The following FHAD1 variants were observed in gnomAD, a reference collection of about 807,000 sequenced individuals.
FHAD1 encodes forkhead associated phosphopeptide binding domain 1, also known as forkhead-associated domain-containing protein 1.
FHAD1 carries 146 observed loss-of-function variants against 191.3 expected under a neutral mutation model. The observed-to-expected ratio is 0.76, with a 90% CI of 0.67 to 0.88. The LOEUF is 0.88. Among genes scored for constraint, FHAD1 ranks in the 40% least tolerant of loss-of-function variants. The probability of loss-of-function intolerance (pLI) is 0.00; values close to 1 mark genes in which losing one functional copy is unlikely to be tolerated. For missense variants in FHAD1, 1,635 were observed against 1,785.8 expected, an observed-to-expected ratio of 0.92 and a Z score of 1.52; for synonymous variants, 616 against 672.3, an observed-to-expected ratio of 0.92 and a Z score of 1.29.
chr1:15,386,605 G>A (rs1047311216), intron 31 of FHAD1, among the ~76,000 whole-genome samples: 4 of 152,186 alleles, frequency 2.6e-5, no homozygotes, highest in African/African-American at 7.2e-5. Flanking sequence ...CTCCCCTTCC[G>A]GGCTCCAGCC....
rs958653279 is a variant in FHAD1, at chr1:15,345,460, A to G, written c.2283A>G (p.Glu761=). The stretch of plus-strand genomic sequence containing the variant: ...CCCAGGAGAAGAACAGAGTGAAGGA[A>G]GCATTAGAGGAAGAGCAGACAAGAG... The part of the protein sequence containing the change: ...SITQEKNRVK[E]ALEEEQTRVQ... The change falls in exon 18 of 34, where the codon GAA becomes GAG. Residue 761 remains glutamate (E), a synonymous_variant. Coordinates refer to ENST00000688493, the MANE Select transcript of FHAD1 (RefSeq NM_001391957.1). 3 of 1,552,228 alleles carry G rather than the reference A, an allele frequency of 1.9e-6. No homozygotes were observed. The African/African-American group carries it at 4.1e-5, about 21-fold the overall frequency.
At chr1:15,247,823 C>G (rs947709501) in intron 1 of FHAD1, among the ~76,000 whole-genome samples, 2 of 152,200 alleles carry the variant, frequency 1.3e-5, no homozygotes, top group African/African-American at 4.8e-5. Context: ...GGTAACCCCT[C>G]AACAGAAATT....
intron 33 of FHAD1, among the ~76,000 whole-genome samples, chr1:15,396,564 C>A (rs1401471420): frequency 2.0e-5 from 3 of 151,884 alleles, no homozygotes; most frequent in Non-Finnish European, 2.9e-5. Flanking sequence ...ATCCTAGCAC[C>A]GTGGGAGGCC....
chr1:15,296,707 T>A lies in FHAD1; in HGVS notation c.592T>A (p.Ser198Thr), dbSNP rs1380398368. The change falls in exon 5 of 34, where the codon TCA (serine) becomes ACA (threonine). Residue 198 changes from serine to threonine, a missense_variant. Physicochemically the swap from Ser to Thr is moderately conservative, Grantham distance 58. Coordinates refer to ENST00000688493, the MANE Select transcript of FHAD1 (RefSeq NM_001391957.1). The part of the protein sequence containing the change: ...KQVWTNAMKL[S>T]EKSVAEGIPG... ...AGTGTGGACCAATGCCATGAAACTG[T>A]CAGAAAAATCAGTGGCCGAGGGGAT... 3 of 1,552,054 alleles carry A rather than the reference T, an allele frequency of 1.9e-6. No individual in the cohort carries two copies. The highest frequency in any genetic ancestry group is 2.0e-5 in the Admixed American group (1 of 50,990).
intron 26 of FHAD1, among the ~76,000 whole-genome samples, chr1:15,370,547 G>A (rs986916114): frequency 6.6e-6 from 1 of 152,152 alleles, no homozygotes; most frequent in Admixed American, 6.5e-5. Context: ...GCTTGATGGG[G>A]CCAAACTGCC....
upstream of FHAD1, among the ~76,000 whole-genome samples, chr1:15,243,965 A>G (rs186158335): frequency 1.6e-3 from 238 of 152,208 alleles, 2 homozygotes; most frequent in Middle Eastern, 0.01. Flanking sequence ...CTTATTTCCT[A>G]CAATATGGGC....
intron 14 of FHAD1, chr1:15,334,702 G>C (rs1683270511): frequency 6.6e-6 from 1 of 152,248 alleles, no homozygotes; most frequent in African/African-American, 2.4e-5. Context: ...CTCAAATACT[G>C]GTTGACTTCA....
chr1:15,299,201 A>G (rs1667904376), intron 5 of FHAD1, among the ~76,000 whole-genome samples: 1 of 141,784 alleles, frequency 7.1e-6, no homozygotes, highest in South Asian at 2.2e-4. Context: ...CCCTGTCTCA[A>G]AAAAAAAAAA....
At chr1:15,376,076 TA>T (rs1170128843) in intron 28 of FHAD1, among the ~76,000 whole-genome samples, 1,798 of 138,634 alleles carry the variant, frequency 0.013, 31 homozygotes, top group African/African-American at 0.047. Flanking sequence ...TTTATTTATT[TA>T]TTTTTTTATT....
At chr1:15,324,324 G>A in intron 10 of FHAD1, 128 bp from the exon 11 acceptor site, 4 of 741,398 alleles carry the variant, frequency 5.4e-6, no homozygotes, top group South Asian at 5.0e-5. Context: ...TGTGACCCCT[G>A]CCACATGGGC....
downstream of FHAD1, among the ~76,000 whole-genome samples, chr1:15,398,445 T>C (rs1006102072): frequency 6.6e-6 from 1 of 152,250 alleles, no homozygotes; most frequent in African/African-American, 2.4e-5. Context: ...GATTCCCCAT[T>C]TGACAGATGA....
intron 16 of FHAD1, among the ~76,000 whole-genome samples, chr1:15,344,772 C>A (rs1688189375): frequency 6.6e-6 from 1 of 152,218 alleles, no homozygotes; most frequent in Non-Finnish European, 1.5e-5. Flanking sequence ...ATTTCGTGTT[C>A]ATCGTCGCAT....
intron 2 of FHAD1, among the ~76,000 whole-genome samples, chr1:15,260,306 G>A (rs1164734201): frequency 6.6e-6 from 1 of 152,200 alleles, no homozygotes; most frequent in Non-Finnish European, 1.5e-5. Context: ...TGTGTTACGA[G>A]ACTGAATTAC....
intron 31 of FHAD1, 95 bp from the exon 32 acceptor site, chr1:15,387,956 G>A (rs560323937): frequency 6.1e-5 from 32 of 528,586 alleles, no homozygotes; most frequent in East Asian, 1.4e-4. Context: ...GAGTCCCAGC[G>A]TCTCCTAGAA....
At chr1:15,336,390 C>T (rs989208369) in intron 14 of FHAD1, among the ~76,000 whole-genome samples, 5 of 152,122 alleles carry the variant, frequency 3.3e-5, no homozygotes, top group African/African-American at 1.2e-4. Flanking sequence ...ATGTTCTCCT[C>T]ACTTCCTTTT....
Position 15,327,268 on chromosome 1 carries a change from C to A in FHAD1, c.1557+126C>A. 1.6e-6 allele frequency: 1 copy of A among 616,728 alleles called. No individual in the cohort carries two copies. The highest frequency in any genetic ancestry group is 2.9e-6 in the Non-Finnish European group (1 of 347,720). The allele number at this position is 616,728 out of a possible 1,614,324, so 38.2% of individuals were successfully genotyped here. On this transcript the variant is annotated intron_variant, in intron 12 of 33. Coordinates refer to ENST00000688493, the MANE Select transcript of FHAD1 (RefSeq NM_001391957.1). The surrounding 1 kb of genome is among the most constrained non-coding windows in gnomAD (Gnocchi z 5.1). ...TGGTGGCATATTTTTCACACTGTTG[C>A]TACACCATAAAGATTTGTTTTGATT...
chr1:15,251,982 C>T (rs963905159), intron 2 of FHAD1, 105 bp downstream of exon 2: 2 of 928,398 alleles, frequency 2.2e-6, no homozygotes, highest in African/African-American at 3.3e-5. Context: ...TACACCACAA[C>T]CTGGGCAAGC....
intron 6 of FHAD1, chr1:15,305,856 G>T: frequency 2.6e-6 from 1 of 387,110 alleles, no homozygotes; most frequent in Non-Finnish European, 5.1e-6. Flanking sequence ...TCCCAGTATC[G>T]GGTATGGCTT....
intron 11 of FHAD1, chr1:15,324,919 C>G (rs981709733): frequency 1.7e-5 from 5 of 299,930 alleles, no homozygotes; most frequent in Non-Finnish European, 6.4e-6. Context: ...AATCTTTCTT[C>G]CCCTTGGGCC....
Sources: gnomAD v4.1 joint callset for allele counts (sites outside exome capture counted in the v4.1 genomes callset) on GRCh38, gnomAD v4.1.1 for gene constraint, Gnocchi (gnomAD v3.1) non-coding constraint, MANE v1.5 for transcripts, NCBI Gene and HGNC (gene_info 2026-07-23, HGNC 2026-07-21) for gene names.